FOXJ3: variants seen among roughly 807,000 people sequenced by gnomAD.
FOXJ3 encodes forkhead box J3.
A neutral mutation model predicts 76.1 loss-of-function variants in FOXJ3; 22 were observed. The observed-to-expected ratio is 0.29, with a 90% CI of 0.21 to 0.41. The LOEUF (loss-of-function observed/expected upper bound fraction) is 0.41. Among genes scored for constraint, FOXJ3 ranks in the 10% least tolerant of loss-of-function variants. FOXJ3 has a pLI of 1.00. For missense variants in FOXJ3, 613 were observed against 762.1 expected, an observed-to-expected ratio of 0.80 and a Z score of 2.30; for synonymous variants, 269 against 261.2, an observed-to-expected ratio of 1.03 and a Z score of -0.29.
chr1:42,215,190 T>C (rs1647041751), intron 5 of FOXJ3, among the ~76,000 whole-genome samples: 1 of 152,108 alleles, frequency 6.6e-6, no homozygotes, highest in African/African-American at 2.4e-5. Flanking sequence ...GCTGGAATTA[T>C]GAGACAAGGA....
At chr1:42,250,145 G>A (rs1205457664) in intron 4 of FOXJ3, among the ~76,000 whole-genome samples, 3 of 151,724 alleles carry the variant, frequency 2.0e-5, no homozygotes. Context: ...AAAGTAAACA[G>A]AGACTAGAGG....
chr1:42,307,257 A>G (rs1654527192), intron 2 of FOXJ3, among the ~76,000 whole-genome samples: 1 of 152,168 alleles, frequency 6.6e-6, no homozygotes, highest in Non-Finnish European at 1.5e-5. Context: ...GAGAGACAGC[A>G]GCATCAGCCA....
At chr1:42,180,628 A>G (rs1646300158) in intron 12 of FOXJ3, among the ~76,000 whole-genome samples, 1 of 151,876 alleles carries the variant, frequency 6.6e-6, no homozygotes, top group East Asian at 1.9e-4. Context: ...TCTGCTACTC[A>G]TTTTTCTCAT....
At chr1:42,236,992 G>A (rs533389508) in intron 4 of FOXJ3, among the ~76,000 whole-genome samples, 11 of 151,896 alleles carry the variant, frequency 7.2e-5, no homozygotes, top group South Asian at 2.1e-4. Context: ...TGTTTTATTC[G>A]GATTATAAGA....
intron 1 of FOXJ3, chr1:42,323,666 A>G: frequency 1.0e-6 from 1 of 972,742 alleles, no homozygotes; most frequent in Non-Finnish European, 1.2e-6. Context: ...TTGCTAAGAG[A>G]CTATGCCTCT....
chr1:42,331,718 T>C (rs1347937193), intron 1 of FOXJ3, among the ~76,000 whole-genome samples: 1 of 152,022 alleles, frequency 6.6e-6, no homozygotes, highest in Non-Finnish European at 1.5e-5. Context: ...GTCCTAAAAA[T>C]GACTGTGGTG....
At chr1:42,263,408 A>G (rs1557683671) in intron 4 of FOXJ3, among the ~76,000 whole-genome samples, 1 of 152,164 alleles carries the variant, frequency 6.6e-6, no homozygotes, top group African/African-American at 2.4e-5. Context: ...GAAGTCTCTT[A>G]AAAATATTTT....
chr1:42,206,126 T>C (rs1352544066), intron 5 of FOXJ3: 2 of 366,958 alleles, frequency 5.5e-6, no homozygotes, highest in Non-Finnish European at 9.8e-6. Flanking sequence ...TAAACTTCTG[T>C]AGTGAAAATT....
intron 2 of FOXJ3, among the ~76,000 whole-genome samples, chr1:42,285,456 CGAA>C (rs1377368953): frequency 6.6e-6 from 1 of 151,234 alleles, no homozygotes; most frequent in Non-Finnish European, 1.5e-5. Flanking sequence ...TCTAATTACT[CGAA>C]GGAGCAAAAA....
chr1:42,193,949 A>G (rs997489958), intron 8 of FOXJ3, among the ~76,000 whole-genome samples: 2 of 152,240 alleles, frequency 1.3e-5, no homozygotes, highest in Non-Finnish European at 2.9e-5. Flanking sequence ...ATGAGGACAC[A>G]GCGTTCAGCT....
rs72963027 is a variant in FOXJ3, at chr1:42,177,497, T to G, written c.*2213A>C. The G allele has an allele frequency of 6.6e-6, 1 of 152,516 alleles. No homozygotes were observed. The highest frequency in any genetic ancestry group is 6.5e-5 in the Admixed American group (1 of 15,272). The allele number at this position is 152,516 out of a possible 1,614,324, so 9.4% of individuals were successfully genotyped here. ...AGTGACTTAAGCAAACCATTGAAAA[T>G]CACCCCTCTTTTTTCAAGCATTTAC... On this transcript the variant is annotated 3_prime_UTR_variant, in exon 13 of 13. Coordinates refer to ENST00000361346, the MANE Select transcript of FOXJ3 (RefSeq NM_014947.5).
At chr1:42,240,602 C>A (rs927492851) in intron 4 of FOXJ3, among the ~76,000 whole-genome samples, 34 of 152,160 alleles carry the variant, frequency 2.2e-4, no homozygotes, top group African/African-American at 7.7e-4. Flanking sequence ...ACTACCAAGA[C>A]AATTCAACAG....
intron 4 of FOXJ3, among the ~76,000 whole-genome samples, chr1:42,254,749 A>G (rs971422949): frequency 4.0e-4 from 59 of 147,976 alleles, no homozygotes; most frequent in African/African-American, 1.5e-3. Flanking sequence ...TCACTCATAG[A>G]TGGGAATTGA....
intron 2 of FOXJ3, among the ~76,000 whole-genome samples, chr1:42,308,880 T>C (rs749480152): frequency 6.6e-6 from 1 of 151,710 alleles, no homozygotes; most frequent in African/African-American, 2.4e-5. Context: ...CATATAGAGA[T>C]TTAAAATTTC....
At chr1:42,224,660 A>G (rs1172442770) in intron 5 of FOXJ3, among the ~76,000 whole-genome samples, 1 of 152,094 alleles carries the variant, frequency 6.6e-6, no homozygotes, top group African/African-American at 2.4e-5. Context: ...CTCAAAAGAA[A>G]AAATAAATAA....
intron 2 of FOXJ3, among the ~76,000 whole-genome samples, chr1:42,281,565 T>A (rs973236717): frequency 6.6e-6 from 1 of 152,230 alleles, no homozygotes; most frequent in Non-Finnish European, 1.5e-5. Context: ...TATAAAAACA[T>A]CTCAAATTTA....
At chr1:42,259,592 C>A (rs1404595326) in intron 4 of FOXJ3, among the ~76,000 whole-genome samples, 1 of 152,190 alleles carries the variant, frequency 6.6e-6, no homozygotes, top group African/African-American at 2.4e-5. Flanking sequence ...GCAGTGTTAT[C>A]TCCCTGAATC....
chr1:42,214,954 C>A (rs185401421), intron 5 of FOXJ3, among the ~76,000 whole-genome samples: 1 of 152,324 alleles, frequency 6.6e-6, no homozygotes, highest in Admixed American at 6.5e-5. Flanking sequence ...AACCACTACT[C>A]ACAAAAGGTG....
At position 42,252,460 on chromosome 1, in the gene FOXJ3, A is replaced by G. The variant is rs866762424; in HGVS notation, c.444+12655T>C. Reference sequence around the variant, plus strand: ...TGGTAGTTTGTATTTCTGTGGGATCAGTGGTGATATCCCTTTATCATTTTT... The same window carrying G: ...TGGTAGTTTGTATTTCTGTGGGATCGGTGGTGATATCCCTTTATCATTTTT... On this transcript the variant is annotated intron_variant, in intron 4 of 12. Coordinates refer to ENST00000361346, the MANE Select transcript of FOXJ3 (RefSeq NM_014947.5). Among the ~76,000 whole-genome samples the G allele has an allele frequency of 6.0e-4, 92 of 152,192 alleles. 3 individuals are homozygous for G. The Middle Eastern group carries it at 0.01, about 17-fold the overall frequency.
Sources: allele counts gnomAD v4.1 joint callset (sites outside exome capture counted in the v4.1 genomes callset), GRCh38; gene constraint gnomAD v4.1.1; transcripts MANE v1.5; gene names NCBI Gene and HGNC (gene_info 2026-07-23, HGNC 2026-07-21).